PCDHGB2: variants seen among roughly 807,000 people sequenced by gnomAD.
PCDHGB2 encodes protocadherin gamma-B2.
Under a neutral mutation model 59.3 loss-of-function variants are expected in PCDHGB2, and 55 were observed. The ratio of observed to expected loss-of-function variants is 0.93; its 90% confidence interval spans 0.75 to 1.16. PCDHGB2 has a LOEUF of 1.16. Ranked by LOEUF, PCDHGB2 falls within the 50% of genes most tolerant of loss-of-function variation. PCDHGB2 has a pLI of 0.00. For missense variants in PCDHGB2, 1,228 were observed against 1,198.5 expected (o/e 1.02, Z -0.36); for synonymous variants, 516 against 512.0 (o/e 1.01, Z -0.11).
rs547410815 is a variant in PCDHGB2 at position 141,418,658 on chromosome 5, A to T, written c.2421+56102A>T. ...CACCTCCATCCTGAGAGTGAAGGCC[A>T]CTGACCAGGACGAGGGCATCAACTC... is the stretch of plus-strand genomic sequence containing the variant. On this transcript the variant is annotated intron_variant, in intron 1 of 3. Transcript: ENST00000522605. 2.6e-4 allele frequency: 419 copies of T among 1,614,030 alleles called. 6 individuals carry two copies. The South Asian group carries it at 4.2e-3, about 16-fold the overall frequency.
chr5:141,492,998 C>A (rs2154589328), intron 1 of PCDHGB2, among the ~76,000 whole-genome samples: 1 of 152,334 alleles, frequency 6.6e-6, no homozygotes, highest in Admixed American at 6.5e-5. Flanking sequence ...AGATGGAAAG[C>A]TATAGGCTCT....
chr5:141,475,821 G>T, intron 1 of PCDHGB2: 1 of 352,534 alleles, frequency 2.8e-6, no homozygotes, highest in Non-Finnish European at 5.1e-6. Context: ...AGTTCCTGGC[G>T]CTAGCGCGTG....
intron 1 of PCDHGB2, among the ~76,000 whole-genome samples, chr5:141,446,758 C>A (rs776925316): frequency 6.6e-6 from 1 of 152,326 alleles, no homozygotes; most frequent in Non-Finnish European, 1.5e-5. Flanking sequence ...TGAGCCACCG[C>A]GCCCAGCCGG....
rs761350249 is a variant in PCDHGB2 at position 141,418,909 on chromosome 5, G to A, written c.2421+56353G>A. Reference sequence around the variant, plus strand: ...ACAACAGCCCAGAAATAATCATCACGTCACTCTCTGATCAGATTATGGAGG... The same window carrying A: ...ACAACAGCCCAGAAATAATCATCACATCACTCTCTGATCAGATTATGGAGG... On this transcript the variant is annotated intron_variant, in intron 1 of 3. Coordinates refer to ENST00000522605, the MANE Select transcript of PCDHGB2 (RefSeq NM_018923.3). The A allele has an allele frequency of 1.9e-6, 3 of 1,613,906 alleles. No homozygotes were observed. In the Admixed American group the frequency reaches 5.0e-5, roughly 27 times the overall value.
chr5:141,367,460 C>A (rs1765144116), intron 1 of PCDHGB2: 1 of 152,002 alleles, frequency 6.6e-6, no homozygotes, highest in African/African-American at 2.4e-5. Flanking sequence ...TGGGGTGAAC[C>A]CGGGAGGAGG....
chr5:141,439,012 A>G (rs968054607), intron 1 of PCDHGB2, among the ~76,000 whole-genome samples: 4 of 151,916 alleles, frequency 2.6e-5, no homozygotes, highest in South Asian at 2.1e-4. Context: ...TTTGTTTGTC[A>G]AATTTTGAAA....
chr5:141,366,595 C>T, intron 1 of PCDHGB2: 1 of 1,614,264 alleles, frequency 6.2e-7, no homozygotes, highest in Non-Finnish European at 8.5e-7. Flanking sequence ...CCTATTCCCA[C>T]GAGGTCTCCC....
At chr5:141,394,667 G>T in intron 1 of PCDHGB2, 2 of 1,613,252 alleles carry the variant, frequency 1.2e-6, no homozygotes, top group East Asian at 2.2e-5. Flanking sequence ...GACTCTTCTC[G>T]GTGGGTCTGC....
Position 141,490,693 on chromosome 5 carries a change from G to C in PCDHGB2, c.2422-4114G>C. 2 of 1,614,170 alleles carry C rather than the reference G, an allele frequency of 1.2e-6. No homozygotes were observed. Among genetic ancestry groups the C allele is most frequent in the Non-Finnish European group, 1.7e-6 (2 of 1,180,018 alleles). ...GGCTGCCTCAGATCCAGACACTGGG[G>C]ATAATGCCCGCCTCACCTACTCCAT... is the stretch of plus-strand genomic sequence containing the variant. On this transcript the variant is annotated intron_variant, in intron 1 of 3. Coordinates refer to ENST00000522605, the MANE Select transcript of PCDHGB2 (RefSeq NM_018923.3). This position sits in a 1 kb window ranked among gnomAD's most constrained non-coding sequence, Gnocchi z 5.4.
chr5:141,395,038 G>A lies in PCDHGB2; in HGVS notation c.2421+32482G>A, dbSNP rs762482437. On this transcript the variant is annotated intron_variant, in intron 1 of 3. Transcript: ENST00000522605. Reference sequence around the variant, plus strand: ...GGCGTGCCTGCCTCACATTTTGTGGGTGTTGAGGAGGTACAGGCTTTCCTG... The same window carrying A: ...GGCGTGCCTGCCTCACATTTTGTGGATGTTGAGGAGGTACAGGCTTTCCTG... 5.3e-5 allele frequency: 85 copies of A among 1,614,150 alleles called. 1 individual carries two copies. Among genetic ancestry groups the A allele is most frequent in the Non-Finnish European group, 7.1e-5 (84 of 1,180,034 alleles).
chr5:141,505,294 G>A, intron 2 of PCDHGB2, 99 bp from the exon 3 acceptor site: 1 of 1,572,086 alleles, frequency 6.4e-7, no homozygotes, highest in Non-Finnish European at 8.6e-7. Flanking sequence ...GCATGGGGTA[G>A]GGTTAGGGTA....
At position 141,432,394 on chromosome 5, in the gene PCDHGB2, C is replaced by G; in HGVS notation, c.2422-62413C>G. 1 of 1,614,260 alleles carries G rather than the reference C, an allele frequency of 6.2e-7. No individual in the cohort carries two copies. The highest frequency in any genetic ancestry group is 8.5e-7 in the Non-Finnish European group (1 of 1,180,050). On this transcript the variant is annotated intron_variant, in intron 1 of 3. Transcript: ENST00000522605. This position sits in a 1 kb window ranked among gnomAD's most constrained non-coding sequence, Gnocchi z 6.0. The stretch of plus-strand genomic sequence containing the variant: ...ACGGGCACCCGCCCCTCAGCAGCAA[C>G]GTGTCGTTGAGCCTGTTCGTGCTGG...
chr5:141,487,258 G>A lies in PCDHGB2; in HGVS notation c.2422-7549G>A, dbSNP rs368598017. The A allele has an allele frequency of 3.7e-6, 6 of 1,614,026 alleles. No homozygotes were observed. Among genetic ancestry groups the A allele is most frequent in the Non-Finnish European group, 4.2e-6 (5 of 1,180,030 alleles). On this transcript the variant is annotated intron_variant, in intron 1 of 3. Transcript: ENST00000522605. The surrounding 1 kb of genome is among the most constrained non-coding windows in gnomAD (Gnocchi z 5.0). ...CTCGTCTAACCCTCTACTTGGCTGT[G>A]TCCCTAGTGGCAATTTGCTTTGTCT...
rs1372368815 is a variant in PCDHGB2 at position 141,491,370 on chromosome 5, C to T, written c.2422-3437C>T. 3 of 1,614,038 alleles carry T rather than the reference C, an allele frequency of 1.9e-6. No individual in the cohort carries two copies. The highest frequency in any genetic ancestry group is 2.2e-5 in the East Asian group (1 of 44,880). ...GTCTCTTATCCCTAGTCACCTTCAC[C>T]TTTCTGTCAGCGAAGTGCCTTCAGG... On this transcript the variant is annotated intron_variant, in intron 1 of 3. Transcript: ENST00000522605. The surrounding 1 kb of genome is among the most constrained non-coding windows in gnomAD (Gnocchi z 6.9).
chr5:141,456,715 A>G (rs2098881350), intron 1 of PCDHGB2, among the ~76,000 whole-genome samples: 1 of 152,204 alleles, frequency 6.6e-6, no homozygotes, highest in South Asian at 2.1e-4. Flanking sequence ...CTGTAATCCC[A>G]GCACTTTGGG....
At chr5:141,380,974 A>C (rs1008958709) in intron 1 of PCDHGB2, among the ~76,000 whole-genome samples, 4 of 152,262 alleles carry the variant, frequency 2.6e-5, no homozygotes, top group African/African-American at 9.6e-5. Context: ...TATTAAACAA[A>C]TAGAATTTAA....
At chr5:141,446,718 C>G (rs1279970040) in intron 1 of PCDHGB2, among the ~76,000 whole-genome samples, 1 of 152,174 alleles carries the variant, frequency 6.6e-6, no homozygotes, top group Non-Finnish European at 1.5e-5. Flanking sequence ...CTGCCCGCCT[C>G]GGCCTCCCAA....
At chr5:141,427,164 C>T (rs1171285271) in intron 1 of PCDHGB2, 1 of 456,682 alleles carries the variant, frequency 2.2e-6, no homozygotes, top group Non-Finnish European at 4.4e-6. Context: ...TGTGCTAGAC[C>T]ATCAAAATGG....
At position 141,487,398 on chromosome 5, in the gene PCDHGB2, G is replaced by A. The variant is rs1342197934; in HGVS notation, c.2422-7409G>A. 1.9e-6 allele frequency: 3 copies of A among 1,613,926 alleles called. No individual in the cohort carries two copies. The African/African-American group carries it at 4.0e-5, about 22-fold the overall frequency. ...CTCACCAGATCTCGAAGGAGGGAGGGGCTTCCCCCTTCCAATGGGATCCTC... is the reference window on the plus strand; with the variant it reads ...CTCACCAGATCTCGAAGGAGGGAGGAGCTTCCCCCTTCCAATGGGATCCTC... On this transcript the variant is annotated intron_variant, in intron 1 of 3. Transcript: ENST00000522605. The surrounding 1 kb of genome is among the most constrained non-coding windows in gnomAD (Gnocchi z 5.0).
Sources: gnomAD v4.1 joint callset for allele counts (sites outside exome capture counted in the v4.1 genomes callset) on GRCh38, gnomAD v4.1.1 for gene constraint, Gnocchi (gnomAD v3.1) non-coding constraint, MANE v1.5 for transcripts, NCBI Gene and HGNC (gene_info 2026-07-23, HGNC 2026-07-21) for gene names.